The following PLAGL1 variants were observed in gnomAD, a reference collection of about 807,000 sequenced individuals.
PLAGL1 encodes PLAG1 like zinc finger 1.
Under a neutral mutation model 4.6 loss-of-function variants are expected in PLAGL1, and 1 was observed. The ratio of observed to expected loss-of-function variants is 0.22; its 90% confidence interval spans 0.08 to 1.03. The LOEUF is 1.03. Among genes scored for constraint, PLAGL1 ranks in the 50% least tolerant of loss-of-function variants. The pLI is 0.58. For missense variants in PLAGL1, 464 were observed against 570.4 expected, an observed-to-expected ratio of 0.81 and a Z score of 1.90; for synonymous variants, 240 against 237.8, an observed-to-expected ratio of 1.01 and a Z score of -0.08.
rs1781446855 is a variant in PLAGL1 at position 143,953,308 on chromosome 6, C to A, written c.-324-4848G>T. On this transcript the variant is annotated intron_variant, in intron 6 of 7. Transcript: ENST00000674357. The surrounding 1 kb of genome is among the most constrained non-coding windows in gnomAD (Gnocchi z 5.3). ...CTGAGAGAGCCACCTGCTGAGCCAT[C>A]AGGTTTGTTGCCTATAGATTCTTTT... Among the ~76,000 whole-genome samples, 1 of 152,240 alleles carries A rather than the reference C, an allele frequency of 6.6e-6. No individual in the cohort carries two copies. Among genetic ancestry groups the A allele is most frequent in the African/African-American group, 2.4e-5 (1 of 41,462 alleles).
chr6:143,996,834 C>T (rs1791732847), intron 1 of PLAGL1, among the ~76,000 whole-genome samples: 1 of 151,896 alleles, frequency 6.6e-6, no homozygotes, highest in Admixed American at 6.6e-5. Flanking sequence ...AAATCTCGAT[C>T]CTGAAAAAAA....
intron 1 of PLAGL1, among the ~76,000 whole-genome samples, chr6:144,062,499 A>G (rs1477450359): frequency 1.4e-5 from 2 of 140,614 alleles, no homozygotes; most frequent in Admixed American, 7.3e-5. Context: ...AAAAAAACAC[A>G]GATTTGACTA....
chr6:143,977,083 T>TCCCCCC (rs55975019), intron 2 of PLAGL1, among the ~76,000 whole-genome samples: 25 of 136,886 alleles, frequency 1.8e-4, no homozygotes, highest in Non-Finnish European at 3.2e-4. Flanking sequence ...TATACTCCCT[T>TCCCCCC]CCCCCCCCCC....
chr6:143,986,765 T>TA, intron 1 of PLAGL1, among the ~76,000 whole-genome samples: 1 of 152,322 alleles, frequency 6.6e-6, no homozygotes, highest in East Asian at 1.9e-4. Flanking sequence ...CAGTTTTGCC[T>TA]ATCATTCAAC....
At chr6:144,042,224 G>T (rs1409030874) in intron 1 of PLAGL1, among the ~76,000 whole-genome samples, 1 of 152,084 alleles carries the variant, frequency 6.6e-6, no homozygotes, top group African/African-American at 2.4e-5. Context: ...CATTGCTTTT[G>T]GTGTTTTAGT....
rs1172186196 is a variant in PLAGL1 at position 143,968,946 on chromosome 6, G to A, written c.-511C>T. On this transcript the variant is annotated 5_prime_UTR_variant, in exon 3 of 8. Coordinates refer to ENST00000674357, the MANE Select transcript of PLAGL1 (RefSeq NM_001317162.2). This position sits in a 1 kb window ranked among gnomAD's most constrained non-coding sequence, Gnocchi z 6.3. ...TACAGATGAGTTTCAGATGTGACAC[G>A]AGGCAGCAGCCACATTAGACGTGAC... 1 of 151,434 alleles carries A rather than the reference G, an allele frequency of 6.6e-6. No homozygotes were observed. Among genetic ancestry groups the A allele is most frequent in the Non-Finnish European group, 1.5e-5 (1 of 67,948 alleles). The allele number at this position is 151,434 out of a possible 1,614,324, so 9.4% of individuals were successfully genotyped here.
Position 143,973,584 on chromosome 6 carries a change from A to G in PLAGL1, c.-543-4606T>C, listed in dbSNP as rs1048135997. ...TCTCCCTTTCTTCCTCCATCCTACA[A>G]CCCTACAAGCGATAGTCTCACTGAA... On this transcript the variant is annotated intron_variant, in intron 2 of 7. Coordinates refer to ENST00000674357, the MANE Select transcript of PLAGL1 (RefSeq NM_001317162.2). This position sits in a 1 kb window ranked among gnomAD's most constrained non-coding sequence, Gnocchi z 6.2. Among the ~76,000 whole-genome samples the G allele has an allele frequency of 2.0e-5, 3 of 151,988 alleles. No individual in the cohort carries two copies. Among genetic ancestry groups the G allele is most frequent in the Non-Finnish European group, 4.4e-5 (3 of 67,986 alleles).
chr6:143,948,704 T>C lies in PLAGL1; in HGVS notation c.-324-244A>G, dbSNP rs1374213168. 6.6e-6 allele frequency among the ~76,000 whole-genome samples: 1 copy of C among 152,102 alleles called. No individual in the cohort carries two copies. Among genetic ancestry groups the C allele is most frequent in the Non-Finnish European group, 1.5e-5 (1 of 68,008 alleles). On this transcript the variant is annotated intron_variant, in intron 6 of 7. Transcript: ENST00000674357. The surrounding 1 kb of genome is among the most constrained non-coding windows in gnomAD (Gnocchi z 6.0). ...CTTTCCCTCTGGTAAGGAGAGTTCT[T>C]TCCACGGATCCAGTATTATCTATTT...
At position 144,032,311 on chromosome 6, in the gene PLAGL1, A is replaced by T. The variant is rs565333535; in HGVS notation, c.-151+32157T>A. On this transcript the variant is annotated intron_variant, in intron 1 of 3. Coordinates refer to the PLAGL1 transcript ENST00000437412. ...TTTTTTTTTTTTTTTTTTGGTGGAG[A>T]TGAGGTTTCACTATGTTGCCCAGGC... 4.5e-5 allele frequency among the ~76,000 whole-genome samples: 6 copies of T among 132,106 alleles called. No homozygotes were observed. The East Asian group carries it at 9.4e-4, about 21-fold the overall frequency. 86.7% of individuals were successfully genotyped at this position (132,106 alleles called of 152,430 possible). A position where few individuals can be genotyped will look rare whatever the true frequency, so the allele number is the denominator to read the frequency against.
rs1799678995 is a variant in PLAGL1, at chr6:144,064,424, C to T, written c.-151+44G>A. The T allele has an allele frequency of 6.6e-6, 1 of 152,462 alleles. No individual in the cohort carries two copies. 9.4% of individuals were successfully genotyped at this position (152,462 alleles called of 1,614,324 possible). The stretch of plus-strand genomic sequence containing the variant: ...CCCGGCTCCCCGCCCCGCTGCCAGC[C>T]AGTTCTCTCGCTCGCCCCTGCCTCA... On this transcript the variant is annotated intron_variant, in intron 1 of 3. Transcript: ENST00000437412. The surrounding 1 kb of genome is among the most constrained non-coding windows in gnomAD (Gnocchi z 6.8).
intron 2 of PLAGL1, among the ~76,000 whole-genome samples, chr6:143,976,997 G>A (rs1466752735): frequency 4.6e-5 from 7 of 151,918 alleles, no homozygotes; most frequent in Admixed American, 6.6e-5. Context: ...TTTCCTGTTC[G>A]ATTTTTTTAA....
chr6:144,007,960 A>C (rs1307189134), intron 1 of PLAGL1, 130 bp downstream of exon 1: 1 of 151,866 alleles, frequency 6.6e-6, no homozygotes, highest in African/African-American at 2.4e-5. Context: ...CCGGACCCGC[A>C]CGTAGGCGGC....
At chr6:144,025,768 C>T (rs1428401592) in intron 1 of PLAGL1, among the ~76,000 whole-genome samples, 2 of 152,078 alleles carry the variant, frequency 1.3e-5, no homozygotes, top group Admixed American at 6.6e-5. Flanking sequence ...TGGCACGCAC[C>T]TGTAATCCCA....
chr6:144,029,416 T>G (rs916726483), intron 1 of PLAGL1, among the ~76,000 whole-genome samples: 3 of 152,188 alleles, frequency 2.0e-5, no homozygotes, highest in African/African-American at 7.2e-5. Context: ...AAAGGGCTAA[T>G]TTCCTTAATA....
At position 144,055,392 on chromosome 6, in the gene PLAGL1, C is replaced by T. The variant is rs1289615369; in HGVS notation, c.-151+9076G>A. Reference sequence around the variant, plus strand: ...TGTTATACAAAACCACACTGGCATTCTTTAACATGATGAATTTTATTATAC... The same window carrying T: ...TGTTATACAAAACCACACTGGCATTTTTTAACATGATGAATTTTATTATAC... On this transcript the variant is annotated intron_variant, in intron 1 of 3. Transcript: ENST00000437412. This position sits in a 1 kb window ranked among gnomAD's most constrained non-coding sequence, Gnocchi z 5.0. Among the ~76,000 whole-genome samples the T allele has an allele frequency of 6.6e-6, 1 of 152,186 alleles. No individual in the cohort carries two copies. The highest frequency in any genetic ancestry group is 1.5e-5 in the Non-Finnish European group (1 of 68,038).
chr6:144,062,509 A>G (rs950677475), intron 1 of PLAGL1, among the ~76,000 whole-genome samples: 14 of 148,008 alleles, frequency 9.5e-5, no homozygotes, highest in Non-Finnish European at 1.9e-4. Flanking sequence ...AGATTTGACT[A>G]TACAGTGAAT....
intron 1 of PLAGL1, among the ~76,000 whole-genome samples, chr6:144,003,189 G>T (rs1793295488): frequency 6.6e-6 from 1 of 152,082 alleles, no homozygotes; most frequent in Non-Finnish European, 1.5e-5. Flanking sequence ...CAATAAATGT[G>T]TAGAGTAGAT....
chr6:143,947,881 A>G lies in PLAGL1; in HGVS notation c.152+104T>C. 1 of 875,806 alleles carries G rather than the reference A, an allele frequency of 1.1e-6. No homozygotes were observed. Among genetic ancestry groups the G allele is most frequent in the Non-Finnish European group, 1.8e-6 (1 of 561,032 alleles). 54.3% of individuals were successfully genotyped at this position (875,806 alleles called of 1,614,324 possible). On this transcript the variant is annotated intron_variant, in intron 7 of 7. Coordinates refer to ENST00000674357, the MANE Select transcript of PLAGL1 (RefSeq NM_001317162.2). This position sits in a 1 kb window ranked among gnomAD's most constrained non-coding sequence, Gnocchi z 4.3. ...AAGAATCCCTCAAAGGCTAAAATGC[A>G]TCCATATCCTGTGTCCCTTTCCCCT...
intron 1 of PLAGL1, among the ~76,000 whole-genome samples, chr6:144,032,372 C>T (rs904648098): frequency 6.6e-6 from 1 of 151,718 alleles, no homozygotes; most frequent in African/African-American, 2.4e-5. Context: ...GATCCTCCCA[C>T]CTCAGCCCCA....
Sources: gnomAD v4.1 joint callset for allele counts (sites outside exome capture counted in the v4.1 genomes callset) on GRCh38, gnomAD v4.1.1 for gene constraint, Gnocchi (gnomAD v3.1) non-coding constraint, MANE v1.5 for transcripts, NCBI Gene and HGNC (gene_info 2026-07-23, HGNC 2026-07-21) for gene names.